TTC28: variants seen among roughly 807,000 people sequenced by gnomAD.
The protein encoded by TTC28 is tetratricopeptide repeat domain 28, also known as tetratricopeptide repeat protein 28.
TTC28 carries 61 observed loss-of-function variants against 198.0 expected under a neutral mutation model. The ratio of observed to expected loss-of-function variants is 0.31; its 90% CI spans 0.25 to 0.38. The LOEUF (loss-of-function observed/expected upper bound fraction) is 0.38, where lower values mean the gene tolerates loss of function less well. TTC28 is among the 10% of genes least tolerant of loss of function. The probability of loss-of-function intolerance (pLI) is 1.00; values close to 1 mark genes in which losing one functional copy is unlikely to be tolerated. For synonymous variants in TTC28, 1,171 were observed against 1,297.8 expected (o/e 0.90, Z 2.10); for missense variants, 2,678 against 3,164.0 (o/e 0.85, Z 3.69).
At chr22:28,641,339 G>T (rs972154461) in intron 1 of TTC28, among the ~76,000 whole-genome samples, 12 of 151,512 alleles carry the variant, frequency 7.9e-5, no homozygotes, top group Admixed American at 6.6e-4. Flanking sequence ...AAAAAATAAA[G>T]AAATGAATAA....
At chr22:28,456,296 G>A (rs917719907) in intron 2 of TTC28, among the ~76,000 whole-genome samples, 1 of 152,022 alleles carries the variant, frequency 6.6e-6, no homozygotes, top group Admixed American at 6.6e-5. Context: ...AATACAGAAA[G>A]TAGATTAGTG....
chr22:28,662,999 A>G (rs947447732), intron 1 of TTC28, among the ~76,000 whole-genome samples: 1 of 152,136 alleles, frequency 6.6e-6, no homozygotes, highest in Non-Finnish European at 1.5e-5. Context: ...CTGTAATCCC[A>G]GTACTTTGGG....
chr22:28,029,469 T>C (rs1938983715), intron 13 of TTC28, among the ~76,000 whole-genome samples: 1 of 152,200 alleles, frequency 6.6e-6, no homozygotes, highest in Non-Finnish European at 1.5e-5. Context: ...GCCTTCAGGC[T>C]GTGGCAGGGA....
intron 12 of TTC28, among the ~76,000 whole-genome samples, chr22:28,032,345 T>C (rs761389216): frequency 1.3e-5 from 2 of 148,204 alleles, no homozygotes; most frequent in African/African-American, 5.0e-5. Context: ...TCTGTTTCTC[T>C]GGAAAACCCA....
chr22:28,206,108 A>G (rs1172989446), intron 5 of TTC28, among the ~76,000 whole-genome samples: 1 of 152,128 alleles, frequency 6.6e-6, no homozygotes, highest in Non-Finnish European at 1.5e-5. Flanking sequence ...CAGCTTGCAA[A>G]GTCTACTCCC....
chr22:28,348,869 T>A (rs538251319), intron 2 of TTC28, among the ~76,000 whole-genome samples: 11 of 152,306 alleles, frequency 7.2e-5, no homozygotes, highest in African/African-American at 2.6e-4. Context: ...TGATGCTCAC[T>A]CTTAAAAGAA....
At chr22:28,396,226 T>C (rs2046813020) in intron 2 of TTC28, among the ~76,000 whole-genome samples, 1 of 152,168 alleles carries the variant, frequency 6.6e-6, no homozygotes, top group Non-Finnish European at 1.5e-5. Flanking sequence ...GATTACATTT[T>C]CCAGGAACTG....
intron 12 of TTC28, among the ~76,000 whole-genome samples, chr22:28,071,693 C>T (rs1278847471): frequency 7.2e-6 from 1 of 138,946 alleles, no homozygotes; most frequent in East Asian, 2.1e-4. Flanking sequence ...TGTAACTAAC[C>T]TGCACAATGT....
At chr22:28,647,818 G>A (rs1023428540) in intron 1 of TTC28, among the ~76,000 whole-genome samples, 5 of 151,820 alleles carry the variant, frequency 3.3e-5, no homozygotes, top group African/African-American at 4.8e-5. Flanking sequence ...CAGCCTGGGC[G>A]ACAGAGTGAG....
At chr22:28,621,747 AAAAAAAAAAAAAAAAG>A (rs924047653) in intron 2 of TTC28, among the ~76,000 whole-genome samples, 6 of 148,668 alleles carry the variant, frequency 4.0e-5, no homozygotes, top group African/African-American at 1.5e-4. Flanking sequence ...TCTCTTAAAA[AAAAAAAAAAAAAAAAG>A]AAAGAAAGAA....
At chr22:28,228,390 T>C (rs1337504210) in intron 5 of TTC28, among the ~76,000 whole-genome samples, 1 of 152,134 alleles carries the variant, frequency 6.6e-6, no homozygotes, top group African/African-American at 2.4e-5. Flanking sequence ...TTTACCACAA[T>C]AAAAATAAAT....
intron 2 of TTC28, among the ~76,000 whole-genome samples, chr22:28,420,126 A>G (rs2047225810): frequency 1.3e-5 from 2 of 152,214 alleles, no homozygotes; most frequent in Non-Finnish European, 2.9e-5. Flanking sequence ...GATTGACAGA[A>G]CTAATAGACT....
intron 2 of TTC28, among the ~76,000 whole-genome samples, chr22:28,619,769 T>C (rs558589538): frequency 1.3e-5 from 2 of 152,102 alleles, no homozygotes; most frequent in South Asian, 4.1e-4. Context: ...ACAGTCCCTA[T>C]CAGAGCAACA....
chr22:28,357,315 ATT>A (rs11415868), intron 2 of TTC28, among the ~76,000 whole-genome samples: 5 of 113,468 alleles, frequency 4.4e-5, no homozygotes, highest in African/African-American at 1.4e-4. Context: ...CAAATTTCTT[ATT>A]TTTTTTTTTT....
intron 2 of TTC28, among the ~76,000 whole-genome samples, chr22:28,486,166 T>A (rs2048312481): frequency 6.6e-6 from 1 of 152,184 alleles, no homozygotes; most frequent in Admixed American, 6.5e-5. Flanking sequence ...TTGTCTTGTC[T>A]AAAGTATACT....
At chr22:28,515,269 G>T (rs1035548198) in intron 2 of TTC28, among the ~76,000 whole-genome samples, 11 of 151,946 alleles carry the variant, frequency 7.2e-5, no homozygotes, top group Non-Finnish European at 8.8e-5. Context: ...TTACTATATG[G>T]TGGATTCTAT....
intron 5 of TTC28, among the ~76,000 whole-genome samples, chr22:28,261,267 G>A (rs1332085084): frequency 2.0e-5 from 3 of 152,086 alleles, no homozygotes; most frequent in African/African-American, 7.2e-5. Flanking sequence ...ATTCTAGTAG[G>A]AGAAAACAGA....
At chr22:28,240,959 T>C (rs183493214) in intron 5 of TTC28, among the ~76,000 whole-genome samples, 254 of 152,056 alleles carry the variant, frequency 1.7e-3, no homozygotes, top group African/African-American at 5.1e-3. Flanking sequence ...AAATAAATGG[T>C]GGAAAAGGGA....
In TTC28 at chr22:27,982,936, T is replaced by C. The variant is rs1366790812; in HGVS notation, c.6731A>G (p.Lys2244Arg). ...GGGGCTGCTATATCCGGAACTCACC[T>C]TGGGCAGGGAGGAGCTCCTGGCTGG... Reference protein sequence around the residue: ...KPPARSSSLPKVSSGYSSPTT... With the variant: ...KPPARSSSLPRVSSGYSSPTT... Residue 2244 changes from lysine to arginine, a missense_variant, in exon 23 of 23, where the codon AAG becomes AGG. Coordinates refer to ENST00000397906, the MANE Select transcript of TTC28 (RefSeq NM_001145418.2). The surrounding 1 kb of genome is among the most constrained non-coding windows in gnomAD (Gnocchi z 5.2). 6.4e-6 allele frequency: 10 copies of C among 1,551,506 alleles called. No individual in the cohort carries two copies. In the South Asian group the frequency reaches 1.1e-4, roughly 17 times the overall value.
Sources: allele counts gnomAD v4.1 joint callset (sites outside exome capture counted in the v4.1 genomes callset), GRCh38; gene constraint gnomAD v4.1.1; non-coding constraint Gnocchi (gnomAD v3.1); transcripts MANE v1.5; gene names NCBI Gene and HGNC (gene_info 2026-07-23, HGNC 2026-07-21).